Variants in LSAMP observed in about 807,000 individuals in gnomAD.
LSAMP encodes the protein limbic system associated membrane protein, also known as limbic system-associated membrane protein.
In LSAMP, 7 loss-of-function variants were observed where a neutral mutation model predicts 38.6. The observed-to-expected ratio is 0.18, with a 90% CI of 0.10 to 0.34. LSAMP has a LOEUF of 0.34. Ranked by LOEUF, LSAMP falls within the 10% of genes least tolerant of loss-of-function variation. The probability of loss-of-function intolerance (pLI) is 1.00; values close to 1 mark genes in which losing one functional copy is unlikely to be tolerated. For synonymous variants in LSAMP, 154 were observed against 166.8 expected (o/e 0.92, Z 0.59); for missense variants, 313 against 420.0 (o/e 0.75, Z 2.23).
At chr3:116,133,379 C>T (rs1709177814) in intron 1 of LSAMP, among the ~76,000 whole-genome samples, 1 of 152,084 alleles carries the variant, frequency 6.6e-6, no homozygotes, top group South Asian at 2.1e-4. Context: ...CAGCCTCAAT[C>T]TCCTGGGCTC....
intron 1 of LSAMP, among the ~76,000 whole-genome samples, chr3:116,237,673 C>CCTAT (rs10643652): frequency 0.95 from 143,995 of 152,114 alleles, 68,651 homozygotes; most frequent in East Asian, 1. Context: ...TGTTGTTAGC[C>CCTAT]TTTGTATATG....
At chr3:115,909,187 C>G (rs1937080941) in intron 3 of LSAMP, among the ~76,000 whole-genome samples, 1 of 152,188 alleles carries the variant, frequency 6.6e-6, no homozygotes. Flanking sequence ...GATCTTTCTT[C>G]AGGCATCCCA....
rs115176307 is a variant in LSAMP, at chr3:116,131,717, G to A, written c.156-45161C>T. On this transcript the variant is annotated intron_variant, in intron 1 of 6. Coordinates refer to ENST00000490035, the MANE Select transcript of LSAMP (RefSeq NM_002338.5). ...TCGTTGCTTAGGCTCTTTAAGTCAA[G>A]TTTTCTGTATCTTGTAGCCAAAAAA... 6.8e-3 allele frequency among the ~76,000 whole-genome samples: 1,038 copies of A among 152,094 alleles called. 17 individuals carry two copies. Among genetic ancestry groups the A allele is most frequent in the African/African-American group, 0.024 (983 of 41,488 alleles).
intron 3 of LSAMP, among the ~76,000 whole-genome samples, chr3:115,882,033 G>C (rs139998577): frequency 1.3e-5 from 2 of 152,096 alleles, no homozygotes; most frequent in African/African-American, 4.8e-5. Flanking sequence ...GGTTTAAAAA[G>C]TGAAGCCCCT....
rs1414923126 is a variant in LSAMP, at chr3:115,808,235, A to G, written c.*2082T>C. 1.3e-5 allele frequency: 2 copies of G among 148,174 alleles called. No individual in the cohort carries two copies. Among genetic ancestry groups the G allele is most frequent in the South Asian group, 4.3e-4 (2 of 4,608 alleles). 9.2% of individuals were successfully genotyped at this position (148,174 alleles called of 1,614,324 possible). On this transcript the variant is annotated 3_prime_UTR_variant, in exon 7 of 7. Coordinates refer to ENST00000490035, the MANE Select transcript of LSAMP (RefSeq NM_002338.5). ...TTTTTTTCCAGTTACAAAGTTTCTC[A>G]TTTTATAACATGGAACAGCTATTTA...
chr3:115,942,756 G>T lies in LSAMP; in HGVS notation c.514+76759C>A, dbSNP rs372128365. Among the ~76,000 whole-genome samples the T allele has an allele frequency of 1.5e-4, 23 of 152,238 alleles. No individual in the cohort carries two copies. In the South Asian group the frequency reaches 4.8e-3, roughly 32 times the overall value. On this transcript the variant is annotated intron_variant, in intron 3 of 6. Coordinates refer to ENST00000490035, the MANE Select transcript of LSAMP (RefSeq NM_002338.5). ...CTAGGAATACGTATTTTTAAAGCTT[G>T]CCAGTAAATTTTCATGCAAGTGATC... is the stretch of plus-strand genomic sequence containing the variant.
intron 3 of LSAMP, among the ~76,000 whole-genome samples, chr3:115,915,719 G>A (rs755843804): frequency 4.6e-5 from 7 of 151,600 alleles, no homozygotes; most frequent in South Asian, 4.2e-4. Context: ...TGCAACTTCC[G>A]CCTCCCGGGT....
chr3:116,012,675 C>T (rs148036514), intron 3 of LSAMP, among the ~76,000 whole-genome samples: 11 of 152,062 alleles, frequency 7.2e-5, no homozygotes, highest in South Asian at 2.1e-4. Context: ...TAAAAATCCC[C>T]GTGGTTATTG....
intron 3 of LSAMP, among the ~76,000 whole-genome samples, chr3:116,007,626 A>AAATGTGAT (rs959808911): frequency 2.0e-5 from 3 of 151,864 alleles, no homozygotes; most frequent in African/African-American, 7.3e-5. Context: ...CTAACCAAAC[A>AAATGTGAT]AATGTGATAG....
intron 3 of LSAMP, among the ~76,000 whole-genome samples, chr3:115,928,923 A>G (rs558339460): frequency 7.0e-6 from 1 of 143,140 alleles, no homozygotes; most frequent in East Asian, 2.1e-4. Context: ...ATGTCAAGAT[A>G]CCTTCTTTTT....
intron 1 of LSAMP, among the ~76,000 whole-genome samples, chr3:116,399,745 C>T (rs2048813908): frequency 1.3e-5 from 2 of 152,150 alleles, no homozygotes; most frequent in South Asian, 2.1e-4. Flanking sequence ...AGTTTATATC[C>T]CATTGAGCAA....
intron 1 of LSAMP, among the ~76,000 whole-genome samples, chr3:116,114,376 C>T (rs1003083691): frequency 6.6e-6 from 1 of 152,096 alleles, no homozygotes; most frequent in Non-Finnish European, 1.5e-5. Flanking sequence ...CAATCCTAGG[C>T]AGTACATGGG....
chr3:115,885,353 C>T (rs1029055175), intron 3 of LSAMP, among the ~76,000 whole-genome samples: 24 of 151,842 alleles, frequency 1.6e-4, no homozygotes, highest in African/African-American at 5.8e-4. Context: ...GTTGGAGTGA[C>T]AGAGATCCAA....
intron 1 of LSAMP, among the ~76,000 whole-genome samples, chr3:116,164,150 T>C (rs1267795839): frequency 6.6e-6 from 1 of 152,178 alleles, no homozygotes; most frequent in South Asian, 2.1e-4. Context: ...TGCTTTTTAA[T>C]CCAAACATAC....
At chr3:116,101,552 G>C (rs977825812) in intron 1 of LSAMP, among the ~76,000 whole-genome samples, 9 of 152,092 alleles carry the variant, frequency 5.9e-5, no homozygotes, top group African/African-American at 2.2e-4. Flanking sequence ...TCTTTGTGTT[G>C]AGAAGGTTCA....
At chr3:116,253,060 G>A (rs1451587788) in intron 1 of LSAMP, among the ~76,000 whole-genome samples, 1 of 152,068 alleles carries the variant, frequency 6.6e-6, no homozygotes, top group Non-Finnish European at 1.5e-5. Flanking sequence ...TCTAGCCTTG[G>A]ATTATTATCA....
At chr3:116,382,463 T>C (rs1010726109) in intron 1 of LSAMP, among the ~76,000 whole-genome samples, 1 of 142,558 alleles carries the variant, frequency 7.0e-6, no homozygotes, top group African/African-American at 2.6e-5. Flanking sequence ...ATGAGAACAC[T>C]TGGACACAGG....
intron 2 of LSAMP, among the ~76,000 whole-genome samples, chr3:116,073,489 T>C (rs770860854): frequency 7.2e-5 from 11 of 152,218 alleles, no homozygotes; most frequent in Non-Finnish European, 1.5e-4. Context: ...TAGCATTTAA[T>C]CTATAAATTA....
In LSAMP at chr3:116,427,092, G is replaced by A. The variant is rs1371553440; in HGVS notation, c.155+17785C>T. ...ATTCAAGTGTCATTGCAACCCTTAA[G>A]ACTCAGCTCTTTCTTTCTTTTTTTT... On this transcript the variant is annotated intron_variant, in intron 1 of 6. Transcript: ENST00000490035. Among the ~76,000 whole-genome samples the A allele has an allele frequency of 7.5e-5, 11 of 147,404 alleles. 1 individual carries two copies. In the Admixed American group the frequency reaches 7.5e-4, roughly 10 times the overall value.
Sources: allele counts gnomAD v4.1 joint callset (sites outside exome capture counted in the v4.1 genomes callset), GRCh38; gene constraint gnomAD v4.1.1; transcripts MANE v1.5; gene names NCBI Gene and HGNC (gene_info 2026-07-23, HGNC 2026-07-21).